Variants in PTPRM observed in about 807,000 individuals in gnomAD.
PTPRM encodes the protein protein tyrosine phosphatase receptor type M.
PTPRM carries 47 observed loss-of-function variants against 186.7 expected under a neutral mutation model. The ratio of observed to expected loss-of-function variants is 0.25; its 90% CI spans 0.20 to 0.32. The LOEUF is 0.32. Ranked by LOEUF, PTPRM falls within the 10% of genes least tolerant of loss-of-function variation. PTPRM has a pLI of 1.00. For synonymous variants in PTPRM, 668 were observed against 674.9 expected, an observed-to-expected ratio of 0.99 and a Z score of 0.16; for missense variants, 1,494 against 1,865.0, an observed-to-expected ratio of 0.80 and a Z score of 3.66.
chr18:7,897,088 G>A (rs2049400595), intron 3 of PTPRM, among the ~76,000 whole-genome samples: 1 of 152,166 alleles, frequency 6.6e-6, no homozygotes, highest in Admixed American at 6.5e-5. Flanking sequence ...TCCAGGGAAT[G>A]TTAGGAGGCA....
At chr18:7,861,703 C>T (rs1472230261) in intron 2 of PTPRM, among the ~76,000 whole-genome samples, 1 of 151,884 alleles carries the variant, frequency 6.6e-6, no homozygotes. Flanking sequence ...TACTCAAAAT[C>T]TTGTGCACCT....
At chr18:7,863,419 G>A (rs1050710168) in intron 2 of PTPRM, among the ~76,000 whole-genome samples, 1 of 151,724 alleles carries the variant, frequency 6.6e-6, no homozygotes, top group Non-Finnish European at 1.5e-5. Context: ...CTCATCGTTC[G>A]ACTCCCTCTT....
rs114966263 is a variant in PTPRM, at chr18:7,974,310, C to T, written c.1132+18896C>T. 5.0e-3 allele frequency among the ~76,000 whole-genome samples: 754 copies of T among 152,292 alleles called. 7 individuals carry two copies. Among genetic ancestry groups the T allele is most frequent in the African/African-American group, 0.017 (714 of 41,558 alleles). ...TTAGTAGGCAAAACTAACAAGTCTC[C>T]TGCCCTCCTGGACACAGCTTTCTAG... is the stretch of plus-strand genomic sequence containing the variant. On this transcript the variant is annotated intron_variant, in intron 7 of 32. Coordinates refer to ENST00000580170, the MANE Select transcript of PTPRM (RefSeq NM_001105244.2).
intron 19 of PTPRM, among the ~76,000 whole-genome samples, chr18:8,281,328 ACT>A (rs1257580704): frequency 6.6e-6 from 1 of 151,862 alleles, no homozygotes; most frequent in Non-Finnish European, 1.5e-5. Context: ...CCTTCACTGT[ACT>A]CTCTTCCTCT....
chr18:8,152,609 CCT>C (rs1447387225), intron 14 of PTPRM, among the ~76,000 whole-genome samples: 3 of 151,918 alleles, frequency 2.0e-5, no homozygotes, highest in African/African-American at 7.3e-5. Flanking sequence ...CCTCTCTACC[CCT>C]CTTTTCTTTA....
At chr18:7,641,069 A>G (rs751098487) in intron 1 of PTPRM, among the ~76,000 whole-genome samples, 19 of 152,254 alleles carry the variant, frequency 1.2e-4, no homozygotes, top group Non-Finnish European at 2.5e-4. Context: ...TGATCTGTTC[A>G]ACATGCAGGT....
At chr18:8,370,163 G>A (rs951291764) in intron 23 of PTPRM, among the ~76,000 whole-genome samples, 3 of 139,938 alleles carry the variant, frequency 2.1e-5, no homozygotes, top group Non-Finnish European at 3.0e-5. Flanking sequence ...CTCTCCTCTC[G>A]TTGATGTCTA....
At chr18:7,879,709 G>A in intron 2 of PTPRM, among the ~76,000 whole-genome samples, 1 of 152,118 alleles carries the variant, frequency 6.6e-6, no homozygotes, top group East Asian at 1.9e-4. Flanking sequence ...AGGTATATGA[G>A]CTGTGCTTAT....
chr18:7,767,779 C>T (rs1007130631), intron 1 of PTPRM, among the ~76,000 whole-genome samples: 4 of 152,164 alleles, frequency 2.6e-5, no homozygotes, highest in Admixed American at 6.5e-5. Context: ...ACTTCATTAA[C>T]ATTTAACTTG....
rs1193649219 is a variant in PTPRM, at chr18:7,955,076, T to A, written c.839-45T>A. The A allele has an allele frequency of 6.6e-6, 10 of 1,523,310 alleles. No individual in the cohort carries two copies. In the South Asian group the frequency reaches 1.0e-4, roughly 15 times the overall value. The allele number at this position is 1,523,310 out of a possible 1,614,324, so 94.4% of individuals were successfully genotyped here. On this transcript the variant is annotated intron_variant, in intron 6 of 32. Transcript: ENST00000580170. ...GATGCATGTTTAGCTCTTTTAAGAC[T>A]GAAGACAAAGCATCTGAAAGACAGC...
At chr18:7,754,063 A>G (rs1476404750) in intron 1 of PTPRM, among the ~76,000 whole-genome samples, 2 of 152,176 alleles carry the variant, frequency 1.3e-5, no homozygotes, top group African/African-American at 4.8e-5. Flanking sequence ...TTATTTTTCA[A>G]AATGACAAGC....
At chr18:8,105,613 T>C (rs1394951923) in intron 11 of PTPRM, among the ~76,000 whole-genome samples, 1 of 152,214 alleles carries the variant, frequency 6.6e-6, no homozygotes, top group East Asian at 1.9e-4. Flanking sequence ...TCACATTTTC[T>C]TTTCTTCAAA....
intron 1 of PTPRM, among the ~76,000 whole-genome samples, chr18:7,725,764 C>T (rs923713726): frequency 3.9e-5 from 6 of 152,138 alleles, no homozygotes; most frequent in South Asian, 2.1e-4. Context: ...CTCCCCTTCG[C>T]GCTGAGAGCC....
At position 8,016,530 on chromosome 18, in the gene PTPRM, CAAAAAAAAAA is replaced by C. The variant is rs563624187; in HGVS notation, c.1133-53149_1133-53140del. Reference sequence around the variant, plus strand: ...CTTGGGTGACAGAGCAAGAGTCTGTCAAAAAAAAAAAAAAAAGAAAAAAAAGAAAAGAAAA... The same window carrying C: ...CTTGGGTGACAGAGCAAGAGTCTGTCAAAAAAGAAAAAAAAGAAAAGAAAA... On this transcript the variant is annotated intron_variant, in intron 7 of 32. Transcript: ENST00000580170. Among the ~76,000 whole-genome samples, 4 of 70,214 alleles carry C rather than the reference CAAAAAAAAAA, an allele frequency of 5.7e-5. No homozygotes were observed. In the South Asian group the frequency reaches 1.9e-3, roughly 33 times the overall value. 46.1% of individuals were successfully genotyped at this position (70,214 alleles called of 152,430 possible). A position where few individuals can be genotyped will look rare whatever the true frequency, so the allele number is the denominator to read the frequency against.
chr18:8,107,257 TCCATCTAGGAC>T (rs1340315697), intron 11 of PTPRM, among the ~76,000 whole-genome samples: 1 of 152,204 alleles, frequency 6.6e-6, no homozygotes, highest in Non-Finnish European at 1.5e-5. Flanking sequence ...TTAAAGATGT[TCCATCTAGGAC>T]TAATTTACTC....
At chr18:8,165,257 A>G (rs181166309) in intron 14 of PTPRM, among the ~76,000 whole-genome samples, 2 of 152,166 alleles carry the variant, frequency 1.3e-5, no homozygotes, top group East Asian at 3.9e-4. Context: ...ACCGCTCATC[A>G]TTCTAATCAA....
At chr18:8,276,974 C>T (rs1372449155) in intron 19 of PTPRM, among the ~76,000 whole-genome samples, 2 of 150,606 alleles carry the variant, frequency 1.3e-5, no homozygotes, top group Non-Finnish European at 2.9e-5. Flanking sequence ...CAGTCTCACT[C>T]TGTTGCCCAG....
chr18:7,858,483 G>A (rs891582675), intron 2 of PTPRM, among the ~76,000 whole-genome samples: 11 of 152,212 alleles, frequency 7.2e-5, no homozygotes, highest in South Asian at 2.1e-4. Context: ...GATCGCTTGC[G>A]CCCAGGAGTT....
At chr18:7,657,873 T>G (rs558091096) in intron 1 of PTPRM, among the ~76,000 whole-genome samples, 1 of 152,366 alleles carries the variant, frequency 6.6e-6, no homozygotes, top group African/African-American at 2.4e-5. Flanking sequence ...CATTGTGTTG[T>G]CACCCTTTCA....
Sources: allele counts gnomAD v4.1 joint callset (sites outside exome capture counted in the v4.1 genomes callset), GRCh38; gene constraint gnomAD v4.1.1; transcripts MANE v1.5; gene names NCBI Gene and HGNC (gene_info 2026-07-23, HGNC 2026-07-21).